FOXP2: variants seen among roughly 807,000 people sequenced by gnomAD.
The protein encoded by FOXP2 is forkhead box protein P2.
Under a neutral mutation model 115.8 loss-of-function variants are expected in FOXP2, and 12 were observed. The observed-to-expected ratio is 0.10, with a 90% confidence interval of 0.07 to 0.17. The LOEUF is 0.17. FOXP2 is among the 10% of genes least tolerant of loss of function. The pLI is 1.00. For synonymous variants in FOXP2, 328 were observed against 297.7 expected, an observed-to-expected ratio of 1.10 and a Z score of -1.05; for missense variants, 629 against 843.5, an observed-to-expected ratio of 0.75 and a Z score of 3.15.
intron 1 of FOXP2, among the ~76,000 whole-genome samples, chr7:114,277,072 A>C (rs1190113699): frequency 2.0e-5 from 3 of 152,130 alleles, no homozygotes; most frequent in African/African-American, 7.2e-5. Flanking sequence ...CTCCTAAACC[A>C]GATATGGAGG....
chr7:114,461,282 T>C (rs896909924), intron 2 of FOXP2, among the ~76,000 whole-genome samples: 1 of 152,232 alleles, frequency 6.6e-6, no homozygotes, highest in Non-Finnish European at 1.5e-5. Flanking sequence ...TATATTTAGC[T>C]TCTGATAATA....
At chr7:114,559,106 A>G (rs187583027) in intron 3 of FOXP2, among the ~76,000 whole-genome samples, 5 of 152,316 alleles carry the variant, frequency 3.3e-5, no homozygotes, top group African/African-American at 9.6e-5. Flanking sequence ...GCAGTAGTCC[A>G]TAAGTACTCT....
intron 2 of FOXP2, among the ~76,000 whole-genome samples, chr7:114,531,092 A>T (rs978242842): frequency 3.3e-5 from 5 of 151,792 alleles, no homozygotes; most frequent in African/African-American, 1.2e-4. Context: ...GAAACTAGAT[A>T]TGGTTTGGCT....
At chr7:114,404,633 T>A (rs966860214) in intron 2 of FOXP2, among the ~76,000 whole-genome samples, 1 of 152,128 alleles carries the variant, frequency 6.6e-6, no homozygotes, top group African/African-American at 2.4e-5. Context: ...GTTTTTTCTT[T>A]TGTATAATAG....
At chr7:114,451,077 TA>T (rs1409568687) in intron 2 of FOXP2, among the ~76,000 whole-genome samples, 2 of 152,234 alleles carry the variant, frequency 1.3e-5, no homozygotes, top group Admixed American at 1.3e-4. Flanking sequence ...AATCATCAAC[TA>T]ATGTTTTTTA....
At chr7:114,547,112 C>G (rs553243993) in intron 3 of FOXP2, among the ~76,000 whole-genome samples, 1 of 152,284 alleles carries the variant, frequency 6.6e-6, no homozygotes, top group African/African-American at 2.4e-5. Context: ...ACCCAACTCT[C>G]TCTCATATTA....
chr7:114,601,563 A>G (rs557863394), intron 3 of FOXP2, among the ~76,000 whole-genome samples: 3 of 152,082 alleles, frequency 2.0e-5, no homozygotes, highest in Non-Finnish European at 2.9e-5. Context: ...AAACCTATTA[A>G]GGTAGATTCA....
chr7:114,312,007 G>T (rs910894174), intron 2 of FOXP2, among the ~76,000 whole-genome samples: 1 of 152,100 alleles, frequency 6.6e-6, no homozygotes, highest in Admixed American at 6.5e-5. Flanking sequence ...GGGGCAGGAG[G>T]AGGTTGCAGC....
At chr7:114,348,417 G>T (rs990898197) in intron 2 of FOXP2, among the ~76,000 whole-genome samples, 1 of 151,180 alleles carries the variant, frequency 6.6e-6, no homozygotes, top group Non-Finnish European at 1.5e-5. Flanking sequence ...TTCCCCTCTT[G>T]TTGTCTACTT....
chr7:114,588,750 C>A (rs12669360), intron 3 of FOXP2, among the ~76,000 whole-genome samples: 12,377 of 152,176 alleles, frequency 0.081, 1,061 homozygotes, highest in East Asian at 0.23. Flanking sequence ...GACATTTTGG[C>A]TGTCTCCATA....
At chr7:114,108,908 TTGTC>T (rs1456520545) in intron 1 of FOXP2, among the ~76,000 whole-genome samples, 6 of 151,992 alleles carry the variant, frequency 3.9e-5, no homozygotes, top group African/African-American at 1.4e-4. Flanking sequence ...CTAGCAATAT[TTGTC>T]TGCCCTGTTT....
intron 8 of FOXP2, among the ~76,000 whole-genome samples, chr7:114,647,573 T>G (rs1024415850): frequency 6.6e-6 from 1 of 151,810 alleles, no homozygotes; most frequent in Non-Finnish European, 1.5e-5. Context: ...AAAAAAGTGT[T>G]GAGGAAAATT....
chr7:114,505,069 T>A (rs973344336), intron 2 of FOXP2, among the ~76,000 whole-genome samples: 1 of 151,666 alleles, frequency 6.6e-6, no homozygotes, highest in African/African-American at 2.4e-5. Flanking sequence ...TCCTCAAACA[T>A]AGTTCTGACT....
intron 2 of FOXP2, among the ~76,000 whole-genome samples, chr7:114,347,561 G>A (rs1031341441): frequency 1.3e-5 from 2 of 151,892 alleles, no homozygotes; most frequent in East Asian, 1.9e-4. Context: ...TGTATAAAAA[G>A]GAAGTCTTAG....
chr7:114,504,368 T>A (rs1797715150), intron 2 of FOXP2, among the ~76,000 whole-genome samples: 1 of 151,660 alleles, frequency 6.6e-6, no homozygotes, highest in Non-Finnish European at 1.5e-5. Context: ...ATGATGATAG[T>A]ATCTGCCTTT....
At position 114,514,783 on chromosome 7, in the gene FOXP2, T is replaced by C. The variant is rs530415129; in HGVS notation, c.169-19834T>C. Reference sequence around the variant, plus strand: ...ATGTGCACAATGTGTTATTTACATATGTATACATGTGCCATGCTGGTGTGC... The same window carrying C: ...ATGTGCACAATGTGTTATTTACATACGTATACATGTGCCATGCTGGTGTGC... On this transcript the variant is annotated intron_variant, in intron 2 of 16. Transcript: ENST00000350908. Among the ~76,000 whole-genome samples the C allele has an allele frequency of 8.5e-5, 13 of 152,084 alleles. No homozygotes were observed. In the East Asian group the frequency reaches 1.4e-3, roughly 16 times the overall value.
chr7:114,219,703 G>T (rs1794572311), intron 1 of FOXP2, among the ~76,000 whole-genome samples: 2 of 151,762 alleles, frequency 1.3e-5, no homozygotes, highest in African/African-American at 2.4e-5. Context: ...TCTCTAATTT[G>T]TTACCCCTCC....
intron 2 of FOXP2, among the ~76,000 whole-genome samples, chr7:114,397,696 G>A (rs1042104559): frequency 3.9e-5 from 6 of 152,252 alleles, no homozygotes; most frequent in African/African-American, 1.4e-4. Context: ...AGGCTGAAGA[G>A]TCATCTTTGG....
intron 1 of FOXP2, among the ~76,000 whole-genome samples, chr7:114,273,078 A>T (rs547971250): frequency 9.0e-4 from 137 of 152,080 alleles, no homozygotes; most frequent in Admixed American, 1.7e-3. Flanking sequence ...TGCATTTAAT[A>T]TGATAAATTT....
Sources: gnomAD v4.1 joint callset for allele counts (sites outside exome capture counted in the v4.1 genomes callset) on GRCh38, gnomAD v4.1.1 for gene constraint, MANE v1.5 for transcripts, NCBI Gene and HGNC (gene_info 2026-07-23, HGNC 2026-07-21) for gene names.